RBM47: variants seen among roughly 807,000 people sequenced by gnomAD.
RBM47 encodes RNA binding motif protein 47, also known as RNA-binding protein 47.
Under a neutral mutation model 47.1 loss-of-function variants are expected in RBM47, and 21 were observed. The observed-to-expected ratio is 0.45, with a 90% CI of 0.32 to 0.64. RBM47 has a LOEUF of 0.64. RBM47 is among the 30% of genes least tolerant of loss of function. RBM47 has a pLI of 0.05. For synonymous variants in RBM47, 375 were observed against 361.7 expected (o/e 1.04, Z -0.42); for missense variants, 708 against 870.9 (o/e 0.81, Z 2.35).
At chr4:40,559,085 C>G (rs1460859145) in intron 1 of RBM47, among the ~76,000 whole-genome samples, 2 of 152,160 alleles carry the variant, frequency 1.3e-5, no homozygotes, top group East Asian at 1.9e-4. Context: ...TATTTTATCC[C>G]TATTACAAGG....
intron 1 of RBM47, among the ~76,000 whole-genome samples, chr4:40,624,661 G>C (rs1424536796): frequency 1.3e-5 from 2 of 152,096 alleles, no homozygotes; most frequent in African/African-American, 4.8e-5. Context: ...AGAAGTTGCA[G>C]TGCCCCATTA....
chr4:40,426,105 G>A lies in RBM47; in HGVS notation c.1581C>T (p.Asn527=), dbSNP rs1398174441. The change falls in exon 7 of 7, where the codon AAC becomes AAT. Residue 527 remains asparagine, a synonymous_variant. Transcript: ENST00000295971. ...PITPVYTVAP[N]VQRIPTAGIY... ...TCCCGGCAGTAGGAATTCTCTGAAC[G>A]TTTGGAGCCACCGTGTATACTGGAG... The A allele has an allele frequency of 2.5e-6, 4 of 1,614,074 alleles. 1 individual carries two copies. Among genetic ancestry groups the A allele is most frequent in the Middle Eastern group, 3.3e-4 (2 of 6,084 alleles).
intron 2 of RBM47, among the ~76,000 whole-genome samples, chr4:40,493,667 C>T (rs1184520032): frequency 6.6e-6 from 1 of 151,850 alleles, no homozygotes; most frequent in African/African-American, 2.4e-5. Context: ...ACATGTAATC[C>T]CAGCTACTTG....
At chr4:40,498,718 C>A (rs1345104474) in intron 2 of RBM47, among the ~76,000 whole-genome samples, 1 of 147,086 alleles carries the variant, frequency 6.8e-6, no homozygotes. Flanking sequence ...AATTGATGTA[C>A]GATGTGCTAG....
chr4:40,625,069 C>T (rs1737618465), intron 1 of RBM47, among the ~76,000 whole-genome samples: 3 of 151,906 alleles, frequency 2.0e-5, no homozygotes, highest in African/African-American at 4.8e-5. Context: ...AGGCTGATCT[C>T]GAACTCCTGA....
chr4:40,436,625 C>A lies in RBM47; in HGVS notation c.1146G>T (p.Gly382=). 6.2e-7 allele frequency: 1 copy of A among 1,614,082 alleles called. No individual in the cohort carries two copies. Among genetic ancestry groups the A allele is most frequent in the Non-Finnish European group, 8.5e-7 (1 of 1,179,996 alleles). The change falls in exon 5 of 7, where the codon GGG becomes GGT. Residue 382 remains glycine, a synonymous_variant. Transcript: ENST00000295971. Reference sequence around the variant, plus strand: ...GGGCTCTGTTGCCAGCTGCACCTCGCCCTCGGCCTCTTATGCTGCCTGCTT... The same window carrying A: ...GGGCTCTGTTGCCAGCTGCACCTCGACCTCGGCCTCTTATGCTGCCTGCTT... ...FVKAGSIRGR[G]RGAAGNRAPG...
chr4:40,436,820 T>A, intron 4 of RBM47, 173 bp from the exon 5 acceptor site: 1 of 724,602 alleles, frequency 1.4e-6, no homozygotes, highest in Non-Finnish European at 2.5e-6. Context: ...CAGCCTAGAT[T>A]TGCATCCTAA....
intron 1 of RBM47, among the ~76,000 whole-genome samples, chr4:40,621,019 A>C (rs62808564): frequency 3.8e-4 from 57 of 148,392 alleles, no homozygotes; most frequent in South Asian, 6.4e-4. Context: ...AAAAAAAAAA[A>C]CCCAAAATCC....
At chr4:40,540,812 G>A (rs915626548) in intron 2 of RBM47, among the ~76,000 whole-genome samples, 2 of 148,806 alleles carry the variant, frequency 1.3e-5, no homozygotes. Context: ...TTTTTAATCA[G>A]CTAACTTTAA....
chr4:40,581,610 T>G (rs34341038), intron 1 of RBM47, among the ~76,000 whole-genome samples: 4,262 of 149,552 alleles, frequency 0.028, 203 homozygotes, highest in African/African-American at 0.099. Flanking sequence ...TGTGAGTGGA[T>G]GAGAAGGTGG....
At chr4:40,597,300 AAT>A (rs1734845242) in intron 1 of RBM47, among the ~76,000 whole-genome samples, 1 of 151,516 alleles carries the variant, frequency 6.6e-6, no homozygotes, top group Admixed American at 6.6e-5. Context: ...TACTTCAATA[AAT>A]AAATATTTAT....
rs1460283998 is a variant in RBM47, at chr4:40,590,779, C to G, written c.-240+38617G>C. On this transcript the variant is annotated intron_variant, in intron 1 of 6. Coordinates refer to ENST00000295971, the MANE Select transcript of RBM47 (RefSeq NM_001098634.2). ...AGCATATCATGTTAAGTGAAAGAAGCCAGACACAAAAGTCCATATATTACA... is the reference window on the plus strand; with the variant it reads ...AGCATATCATGTTAAGTGAAAGAAGGCAGACACAAAAGTCCATATATTACA... Among the ~76,000 whole-genome samples the G allele has an allele frequency of 2.0e-5, 3 of 152,248 alleles. No individual in the cohort carries two copies. In the East Asian group the frequency reaches 5.8e-4, roughly 29 times the overall value.
chr4:40,437,608 G>A (rs1243465242), intron 4 of RBM47, among the ~76,000 whole-genome samples, 163 bp downstream of exon 4: 4 of 152,140 alleles, frequency 2.6e-5, no homozygotes, highest in Admixed American at 6.5e-5. Flanking sequence ...GACGGCCTTC[G>A]GTGCCAGGAA....
intron 3 of RBM47, among the ~76,000 whole-genome samples, chr4:40,456,562 TTC>T (rs1200918570): frequency 2.2e-5 from 2 of 92,324 alleles, no homozygotes; most frequent in African/African-American, 7.2e-5. Flanking sequence ...TTTTTTTCTT[TTC>T]TTTTTTCTTT....
chr4:40,532,781 A>G (rs1032694039), intron 2 of RBM47, among the ~76,000 whole-genome samples: 5 of 151,854 alleles, frequency 3.3e-5, no homozygotes, highest in Non-Finnish European at 7.4e-5. Flanking sequence ...ACGTACAGAT[A>G]TGTCTGTGTA....
intron 1 of RBM47, among the ~76,000 whole-genome samples, chr4:40,591,225 G>A (rs746594561): frequency 3.2e-4 from 49 of 152,066 alleles, no homozygotes; most frequent in Non-Finnish European, 5.9e-4. Context: ...TGGGGACAAG[G>A]GTCTCCTTGG....
chr4:40,573,807 A>AAAGAAAGAAAGAAAAAG (rs148001440), intron 1 of RBM47, among the ~76,000 whole-genome samples: 1 of 136,662 alleles, frequency 7.3e-6, no homozygotes, highest in African/African-American at 3.0e-5. Context: ...GAAAGAAAGA[A>AAAGAAAGAAAGAAAAAG]AAAGAAAGAA....
intron 1 of RBM47, among the ~76,000 whole-genome samples, chr4:40,561,002 TCTCA>T (rs1291586433): frequency 6.6e-6 from 1 of 151,754 alleles, no homozygotes; most frequent in South Asian, 2.1e-4. Flanking sequence ...TTCCCTTTTC[TCTCA>T]CTATTTCCCA....
rs540424756 is a variant in RBM47 at position 40,618,141 on chromosome 4, C to G, written c.-240+11255G>C. ...CCCGTAATCCCAGCTACTTGTGAAG[C>G]TGAGGTGGGAGGATCACCTGAGCCC... On this transcript the variant is annotated intron_variant, in intron 1 of 6. Coordinates refer to ENST00000295971, the MANE Select transcript of RBM47 (RefSeq NM_001098634.2). 3.3e-5 allele frequency among the ~76,000 whole-genome samples: 5 copies of G among 152,062 alleles called. No individual in the cohort carries two copies. In the South Asian group the frequency reaches 8.3e-4, roughly 25 times the overall value.
Sources: gnomAD v4.1 joint callset for allele counts (sites outside exome capture counted in the v4.1 genomes callset) on GRCh38, gnomAD v4.1.1 for gene constraint, MANE v1.5 for transcripts, NCBI Gene and HGNC (gene_info 2026-07-23, HGNC 2026-07-21) for gene names.